SLC2A9: variants seen among roughly 807,000 people sequenced by gnomAD.
The protein encoded by SLC2A9 is solute carrier family 2 member 9, also known as solute carrier family 2, facilitated glucose transporter member 9.
A neutral mutation model predicts 50.6 loss-of-function variants in SLC2A9; 39 were observed. The ratio of observed to expected loss-of-function variants is 0.77; its 90% CI spans 0.60 to 1.01. The LOEUF (loss-of-function observed/expected upper bound fraction) is 1.01. Ranked by LOEUF, SLC2A9 falls within the 50% of genes least tolerant of loss-of-function variation. SLC2A9 has a pLI of 0.00. For synonymous variants in SLC2A9, 324 were observed against 276.9 expected (o/e 1.17, Z -1.69); for missense variants, 686 against 677.6 (o/e 1.01, Z -0.14).
intron 2 of SLC2A9, among the ~76,000 whole-genome samples, chr4:10,003,106 A>G (rs916637027): frequency 1.3e-5 from 2 of 152,228 alleles, no homozygotes; most frequent in African/African-American, 4.8e-5. Context: ...AGTAATGAGT[A>G]TCCAGGACTT....
chr4:9,873,617 C>G (rs966105316), intron 10 of SLC2A9, among the ~76,000 whole-genome samples: 1 of 152,190 alleles, frequency 6.6e-6, no homozygotes, highest in African/African-American at 2.4e-5. Flanking sequence ...GACATGTGGT[C>G]AAGTTACCCT....
intron 3 of SLC2A9, among the ~76,000 whole-genome samples, chr4:9,818,560 G>A (rs1723955520): frequency 6.6e-6 from 1 of 152,324 alleles, no homozygotes; most frequent in South Asian, 2.1e-4. Context: ...AGAGAACTTT[G>A]GTTATGATCC....
rs560034073 is a variant in SLC2A9, at chr4:9,974,127, A to G, written c.681+6465T>C. ...CTCTCAAGAAACTAAGCATTAAACAATCATACCTCAAAATAATGAGAGCCA... is the reference window on the plus strand; with the variant it reads ...CTCTCAAGAAACTAAGCATTAAACAGTCATACCTCAAAATAATGAGAGCCA... On this transcript the variant is annotated intron_variant, in intron 5 of 11. Coordinates refer to ENST00000264784, the MANE Select transcript of SLC2A9 (RefSeq NM_020041.3). 4.6e-5 allele frequency among the ~76,000 whole-genome samples: 7 copies of G among 152,194 alleles called. No individual in the cohort carries two copies. The South Asian group carries it at 1.2e-3, about 27-fold the overall frequency.
chr4:9,854,660 A>G (rs953673897), intron 10 of SLC2A9, among the ~76,000 whole-genome samples: 1 of 152,170 alleles, frequency 6.6e-6, no homozygotes, highest in Non-Finnish European at 1.5e-5. Context: ...ATACATACAC[A>G]AAATAAAACT....
intron 10 of SLC2A9, among the ~76,000 whole-genome samples, chr4:9,850,839 C>A (rs561837467): frequency 1.3e-5 from 2 of 152,232 alleles, no homozygotes; most frequent in East Asian, 1.9e-4. Context: ...CCCTGCTGTG[C>A]CCCCTACTGA....
chr4:9,909,967 G>A (rs1577838749), intron 7 of SLC2A9, among the ~76,000 whole-genome samples: 1 of 152,224 alleles, frequency 6.6e-6, no homozygotes, highest in Admixed American at 6.5e-5. Flanking sequence ...CTATAGATCT[G>A]TTTTATTGCC....
At chr4:9,781,590 G>C (rs529978867) in intron 3 of SLC2A9, 1 of 158,804 alleles carries the variant, frequency 6.3e-6, no homozygotes, top group East Asian at 1.8e-4. Context: ...CTCGGGGGGC[G>C]GGACGCGGGG....
Position 9,865,985 on chromosome 4 carries a change from G to A in SLC2A9, c.1291+21582C>T, listed in dbSNP as rs115987889. On this transcript the variant is annotated intron_variant, in intron 10 of 11. Transcript: ENST00000264784. Reference sequence around the variant, plus strand: ...TGATACAGAGAAGTGAGGCACAGCCGAGCACTTCACCCAGGACCCCTCTGC... The same window carrying A: ...TGATACAGAGAAGTGAGGCACAGCCAAGCACTTCACCCAGGACCCCTCTGC... Among the ~76,000 whole-genome samples, 678 of 152,174 alleles carry A rather than the reference G, an allele frequency of 4.5e-3. 6 individuals carry two copies. Among genetic ancestry groups the A allele is most frequent in the African/African-American group, 0.016 (650 of 41,520 alleles).
At chr4:9,996,252 G>A (rs1246022879) in intron 3 of SLC2A9, among the ~76,000 whole-genome samples, 1 of 152,232 alleles carries the variant, frequency 6.6e-6, no homozygotes, top group Non-Finnish European at 1.5e-5. Context: ...TATAGTGGAA[G>A]ACTGTCTAAG....
intron 5 of SLC2A9, among the ~76,000 whole-genome samples, chr4:9,958,274 T>C (rs749477199): frequency 3.4e-4 from 52 of 152,310 alleles, no homozygotes; most frequent in Middle Eastern, 6.8e-3. Flanking sequence ...AAGAAAGTAC[T>C]GCAGGAAATG....
At chr4:9,951,104 T>C (rs1233639807) in intron 5 of SLC2A9, among the ~76,000 whole-genome samples, 1 of 152,204 alleles carries the variant, frequency 6.6e-6, no homozygotes, top group African/African-American at 2.4e-5. Context: ...TGTCCATCAA[T>C]GGATGAATAA....
intron 10 of SLC2A9, among the ~76,000 whole-genome samples, chr4:9,840,273 A>C (rs1727831851): frequency 6.6e-6 from 1 of 152,154 alleles, no homozygotes; most frequent in African/African-American, 2.4e-5. Flanking sequence ...TGCTCTCCCA[A>C]ACCCTGCAAT....
chr4:9,915,438 G>A (rs1742691826), intron 7 of SLC2A9, among the ~76,000 whole-genome samples: 1 of 152,164 alleles, frequency 6.6e-6, no homozygotes, highest in African/African-American at 2.4e-5. Context: ...GTTTCTCCAT[G>A]TTGGTCAGGC....
intron 3 of SLC2A9, among the ~76,000 whole-genome samples, chr4:9,801,704 G>A (rs1721428990): frequency 6.6e-6 from 1 of 152,200 alleles, no homozygotes; most frequent in African/African-American, 2.4e-5. Context: ...CCATCAGGGT[G>A]CCCAGGAACT....
intron 5 of SLC2A9, among the ~76,000 whole-genome samples, chr4:9,980,061 C>T (rs1446143117): frequency 6.6e-6 from 1 of 152,162 alleles, no homozygotes; most frequent in Non-Finnish European, 1.5e-5. Flanking sequence ...TAAGGCCACA[C>T]AGCAAGTAAA....
At chr4:9,853,047 G>C (rs1000481750) in intron 10 of SLC2A9, among the ~76,000 whole-genome samples, 2 of 152,038 alleles carry the variant, frequency 1.3e-5, no homozygotes, top group South Asian at 2.1e-4. Flanking sequence ...GTGGTGGTGT[G>C]CACCTGTAAT....
intron 5 of SLC2A9, among the ~76,000 whole-genome samples, chr4:9,958,497 T>C (rs1219578709): frequency 6.6e-6 from 1 of 151,936 alleles, no homozygotes; most frequent in African/African-American, 2.4e-5. Flanking sequence ...CTGTTGGAGG[T>C]GAGGCCTAAG....
downstream of SLC2A9, among the ~76,000 whole-genome samples, chr4:9,822,846 T>C (rs1042174832): frequency 7.2e-5 from 11 of 152,300 alleles, 1 homozygote; most frequent in African/African-American, 2.6e-4. Context: ...GGGCCACCCC[T>C]TTCCTGTCAC....
At chr4:9,834,070 C>T (rs1233131828) in intron 11 of SLC2A9, among the ~76,000 whole-genome samples, 1 of 152,162 alleles carries the variant, frequency 6.6e-6, no homozygotes, top group Non-Finnish European at 1.5e-5. Flanking sequence ...CTTACACAGG[C>T]CAAATATTAG....
Sources: gnomAD v4.1 joint callset for allele counts (sites outside exome capture counted in the v4.1 genomes callset) on GRCh38, gnomAD v4.1.1 for gene constraint, MANE v1.5 for transcripts, NCBI Gene and HGNC (gene_info 2026-07-23, HGNC 2026-07-21) for gene names.